Variants in MAGI2 observed in about 807,000 individuals in gnomAD.
MAGI2 encodes the protein membrane associated guanylate kinase, WW and PDZ domain containing 2, also known as membrane-associated guanylate kinase, WW and PDZ domain-containing protein 2.
In MAGI2, 35 loss-of-function variants were observed where a neutral mutation model predicts 133.3. The observed-to-expected ratio is 0.26, with a 90% CI of 0.20 to 0.35. The LOEUF (loss-of-function observed/expected upper bound fraction) is 0.35, where lower values mean the gene tolerates loss of function less well. Ranked by LOEUF, MAGI2 falls within the 10% of genes least tolerant of loss-of-function variation. The probability of loss-of-function intolerance (pLI) is 1.00; values close to 1 mark genes in which losing one functional copy is unlikely to be tolerated. For missense variants in MAGI2, 1,636 were observed against 1,863.4 expected (o/e 0.88, Z 2.25); for synonymous variants, 729 against 710.6 (o/e 1.03, Z -0.41).
rs60535225 is a variant in MAGI2, at chr7:79,157,941, AGTGTGT to A, written c.302-150741_302-150736del. Among the ~76,000 whole-genome samples, 1,087 of 134,424 alleles carry A rather than the reference AGTGTGT, an allele frequency of 8.1e-3. 6 individuals carry two copies. Among genetic ancestry groups the A allele is most frequent in the East Asian group, 0.027 (118 of 4,336 alleles). 88.2% of individuals were successfully genotyped at this position (134,424 alleles called of 152,430 possible). A position where few individuals can be genotyped will look rare whatever the true frequency, so the allele number is the denominator to read the frequency against. ...GTAAATGCTACAGAATCTTTGTGTG[AGTGTGT>A]GTGTGTGTGTGTGTGTGTGTGTGTG... On this transcript the variant is annotated intron_variant, in intron 1 of 21. Transcript: ENST00000354212.
At chr7:78,249,456 C>A (rs1228587481) in intron 10 of MAGI2, among the ~76,000 whole-genome samples, 5 of 152,090 alleles carry the variant, frequency 3.3e-5, no homozygotes, top group Non-Finnish European at 7.4e-5. Context: ...ATGGAGCCAA[C>A]CCAAGTGTCC....
chr7:78,921,235 T>C (rs1344209745), intron 2 of MAGI2, among the ~76,000 whole-genome samples: 1 of 152,204 alleles, frequency 6.6e-6, no homozygotes, highest in Non-Finnish European at 1.5e-5. Context: ...TAGTCTTCTG[T>C]TAATCACTTT....
chr7:79,194,809 C>T (rs1022992417), intron 1 of MAGI2, among the ~76,000 whole-genome samples: 3 of 151,178 alleles, frequency 2.0e-5, no homozygotes, highest in African/African-American at 7.3e-5. Flanking sequence ...AAAAAAATGC[C>T]GCACACTCTA....
intron 1 of MAGI2, among the ~76,000 whole-genome samples, chr7:79,265,658 T>C (rs1334875458): frequency 6.6e-6 from 1 of 152,172 alleles, no homozygotes; most frequent in East Asian, 1.9e-4. Flanking sequence ...CAATGCTATA[T>C]TGCATGCTAC....
At chr7:78,626,740 CTTCT>C (rs976362894) in intron 3 of MAGI2, among the ~76,000 whole-genome samples, 6 of 151,758 alleles carry the variant, frequency 4.0e-5, no homozygotes, top group Admixed American at 1.3e-4. Context: ...CTAGCCCTTC[CTTCT>C]TTTAGATGAC....
intron 2 of MAGI2, among the ~76,000 whole-genome samples, chr7:78,728,923 G>A (rs1362076249): frequency 6.6e-6 from 1 of 151,958 alleles, no homozygotes; most frequent in Non-Finnish European, 1.5e-5. Context: ...CTTCCTTTCT[G>A]TGGCATAGCT....
intron 2 of MAGI2, among the ~76,000 whole-genome samples, chr7:78,744,029 GA>G (rs1384330292): frequency 6.6e-6 from 1 of 152,066 alleles, no homozygotes; most frequent in Non-Finnish European, 1.5e-5. Flanking sequence ...TGAAATGTTA[GA>G]AAATTACTTT....
intron 1 of MAGI2, among the ~76,000 whole-genome samples, chr7:79,214,724 T>G (rs1411673385): frequency 7.3e-6 from 1 of 137,328 alleles, no homozygotes; most frequent in Non-Finnish European, 1.5e-5. Flanking sequence ...TATAAATATA[T>G]AAATATATAA....
chr7:78,220,262 C>G (rs958072145), intron 10 of MAGI2, among the ~76,000 whole-genome samples: 1 of 152,168 alleles, frequency 6.6e-6, no homozygotes, highest in African/African-American at 2.4e-5. Flanking sequence ...CTTTATAATT[C>G]TTATCTCATG....
At chr7:78,476,053 T>C (rs28651586) in intron 6 of MAGI2, among the ~76,000 whole-genome samples, 4,158 of 151,986 alleles carry the variant, frequency 0.027, 192 homozygotes, top group African/African-American at 0.094. Flanking sequence ...GAAAACTGGG[T>C]TCAGAAGTTG....
chr7:79,257,162 TATAATA>T (rs139953168), intron 1 of MAGI2, among the ~76,000 whole-genome samples: 7 of 151,702 alleles, frequency 4.6e-5, no homozygotes, highest in African/African-American at 1.7e-4. Context: ...ATCTATCAGT[TATAATA>T]ATAATAATAA....
intron 2 of MAGI2, among the ~76,000 whole-genome samples, chr7:78,888,292 C>G (rs1424748274): frequency 6.6e-6 from 1 of 152,214 alleles, no homozygotes; most frequent in Non-Finnish European, 1.5e-5. Flanking sequence ...CTGTAGACTC[C>G]ACCTCTGGGG....
rs1237905254 is a variant in MAGI2, at chr7:78,151,175, T to TG, written c.2845+8849_2845+8850insC. 3.3e-5 allele frequency among the ~76,000 whole-genome samples: 5 copies of TG among 151,866 alleles called. No homozygotes were observed. In the South Asian group the frequency reaches 1.0e-3, roughly 32 times the overall value. On this transcript the variant is annotated intron_variant, in intron 16 of 21. Transcript: ENST00000354212. ...AATTTGGGAAAAAAAACTAGTCATG[T>TG]TCAGGACTGAAAAAGCGGAATTGAA... is the stretch of plus-strand genomic sequence containing the variant.
chr7:78,783,012 C>CTT (rs11432048), intron 2 of MAGI2, among the ~76,000 whole-genome samples: 3,644 of 95,678 alleles, frequency 0.038, 64 homozygotes, highest in African/African-American at 0.048. Flanking sequence ...TGATTCTTAC[C>CTT]TTTTTTTTTT....
At chr7:78,685,466 GTTTTTTT>G (rs5885086) in intron 2 of MAGI2, among the ~76,000 whole-genome samples, 2 of 141,584 alleles carry the variant, frequency 1.4e-5, no homozygotes, top group African/African-American at 5.1e-5. Flanking sequence ...TGTCATTGTC[GTTTTTTT>G]TTTTTTTAAC....
intron 2 of MAGI2, among the ~76,000 whole-genome samples, chr7:78,828,749 C>T (rs1350313214): frequency 3.3e-5 from 5 of 152,060 alleles, no homozygotes; most frequent in Non-Finnish European, 2.9e-5. Flanking sequence ...TGTGTAGAAA[C>T]TCTCTGTACT....
chr7:79,026,838 G>T (rs1489854069), intron 1 of MAGI2, among the ~76,000 whole-genome samples: 1 of 150,738 alleles, frequency 6.6e-6, no homozygotes, highest in African/African-American at 2.4e-5. Context: ...CGGCAATCCA[G>T]CCTGGGAGAC....
chr7:78,097,265 A>G (rs1349563471), intron 20 of MAGI2, among the ~76,000 whole-genome samples: 1 of 152,166 alleles, frequency 6.6e-6, no homozygotes, highest in Non-Finnish European at 1.5e-5. Context: ...CGATTCCTCA[A>G]AGAACTAAAA....
chr7:79,129,194 A>T (rs890907253), intron 1 of MAGI2, among the ~76,000 whole-genome samples: 3 of 152,178 alleles, frequency 2.0e-5, no homozygotes, highest in Non-Finnish European at 4.4e-5. Context: ...CAGAACACTT[A>T]CATTAGCCTA....
Sources: allele counts gnomAD v4.1 joint callset (sites outside exome capture counted in the v4.1 genomes callset), GRCh38; gene constraint gnomAD v4.1.1; transcripts MANE v1.5; gene names NCBI Gene and HGNC (gene_info 2026-07-23, HGNC 2026-07-21).